The following CSTPP1 variants were observed in gnomAD, a reference collection of about 807,000 sequenced individuals.
CSTPP1 encodes the protein centriolar satellite-associated tubulin polyglutamylase complex regulator 1.
the CSTPP1 span, among the ~76,000 whole-genome samples, chr11:46,982,564 C>T: frequency 6.6e-6 from 1 of 151,942 alleles, no homozygotes; most frequent in African/African-American, 2.4e-5. Context: ...ACAACTAATG[C>T]TTTTATGGTA....
chr11:47,016,386 T>G, the CSTPP1 span, among the ~76,000 whole-genome samples: 1 of 123,006 alleles, frequency 8.1e-6, no homozygotes, highest in Non-Finnish European at 1.7e-5. Context: ...GCCTATGGAA[T>G]CTACAAAAAA....
chr11:47,022,155 T>TAA, the CSTPP1 span, among the ~76,000 whole-genome samples: 114,358 of 151,070 alleles, frequency 0.76, 43,993 homozygotes, highest in African/African-American at 0.83. Context: ...CAAAATATCT[T>TAA]AAACATGACA....
chr11:47,147,177 A>G, the CSTPP1 span, among the ~76,000 whole-genome samples: 1 of 152,238 alleles, frequency 6.6e-6, no homozygotes, highest in Non-Finnish European at 1.5e-5. Flanking sequence ...AAAATTGGCT[A>G]GTGGGGACAC....
chr11:47,052,462 G>C, the CSTPP1 span: 1 of 1,614,002 alleles, frequency 6.2e-7, no homozygotes, highest in Non-Finnish European at 8.5e-7. Context: ...CCCCACAATA[G>C]GGTATCATTT....
the CSTPP1 span, among the ~76,000 whole-genome samples, chr11:47,117,641 G>A: frequency 1.1e-4 from 17 of 152,062 alleles, no homozygotes; most frequent in Non-Finnish European, 1.6e-4. Flanking sequence ...TATCTTTGTG[G>A]TGGTGTCTGT....
chr11:47,015,021 G>A, the CSTPP1 span, among the ~76,000 whole-genome samples: 1 of 152,072 alleles, frequency 6.6e-6, no homozygotes, highest in Non-Finnish European at 1.5e-5. Flanking sequence ...TATCAGGAAC[G>A]AGAGAGATAC....
the CSTPP1 span, among the ~76,000 whole-genome samples, chr11:47,124,114 CTTTTTTTT>C: frequency 4.7e-5 from 3 of 63,232 alleles, no homozygotes; most frequent in South Asian, 9.0e-4. Context: ...AATGGTCTTA[CTTTTTTTT>C]TTTTTTTTTT....
the CSTPP1 span, among the ~76,000 whole-genome samples, chr11:47,140,970 G>A: frequency 6.6e-5 from 10 of 152,032 alleles, no homozygotes; most frequent in East Asian, 1.6e-3. Flanking sequence ...GCGTGTTGGC[G>A]GGTGCCTGTA....
chr11:47,068,992 G>C, the CSTPP1 span, among the ~76,000 whole-genome samples: 1 of 152,090 alleles, frequency 6.6e-6, no homozygotes, highest in African/African-American at 2.4e-5. Context: ...CCACAAATGA[G>C]TTAACCTATG....
the CSTPP1 span, among the ~76,000 whole-genome samples, chr11:46,975,828 A>G: frequency 6.6e-6 from 1 of 152,234 alleles, no homozygotes; most frequent in African/African-American, 2.4e-5. Flanking sequence ...GAGCAGTGGT[A>G]AGAATAGTAA....
the CSTPP1 span, among the ~76,000 whole-genome samples, chr11:47,107,019 A>C: frequency 6.6e-6 from 1 of 152,154 alleles, no homozygotes; most frequent in Non-Finnish European, 1.5e-5. Context: ...GCATCCTTAG[A>C]TGAAACCATC....
the CSTPP1 span, among the ~76,000 whole-genome samples, chr11:47,121,983 A>T: frequency 6.8e-6 from 1 of 147,946 alleles, no homozygotes; most frequent in Admixed American, 6.8e-5. Flanking sequence ...AAGCAGAAGG[A>T]TCACTTCAGC....
At chr11:47,045,756 A>AT in the CSTPP1 span, among the ~76,000 whole-genome samples, 1 of 151,990 alleles carries the variant, frequency 6.6e-6, no homozygotes, top group East Asian at 1.9e-4. Flanking sequence ...TTAATTATTG[A>AT]TTTTTTTAAA....
At chr11:47,112,348 G>C in the CSTPP1 span, among the ~76,000 whole-genome samples, 2 of 151,966 alleles carry the variant, frequency 1.3e-5, no homozygotes, top group East Asian at 3.9e-4. Context: ...TTGAGACTGA[G>C]TCTTGATCTG....
chr11:47,054,670 G>A, the CSTPP1 span, among the ~76,000 whole-genome samples: 19 of 152,120 alleles, frequency 1.2e-4, no homozygotes, highest in African/African-American at 4.3e-4. Context: ...TCATTCAAAA[G>A]GCAGTGTAGA....
the CSTPP1 span, among the ~76,000 whole-genome samples, chr11:47,055,124 G>A: frequency 6.6e-6 from 1 of 151,324 alleles, no homozygotes; most frequent in Non-Finnish European, 1.5e-5. Context: ...ATAGAGTTGG[G>A]GTTTCGCTAT....
chr11:47,155,204 T>A, the CSTPP1 span: 1 of 1,613,972 alleles, frequency 6.2e-7, no homozygotes, highest in Non-Finnish European at 8.5e-7. Flanking sequence ...TGCCATGGAC[T>A]GCTTGATGTC....
At chr11:46,978,415 T>G in the CSTPP1 span, among the ~76,000 whole-genome samples, 18 of 152,326 alleles carry the variant, frequency 1.2e-4, no homozygotes, top group African/African-American at 4.3e-4. Context: ...CTAAAAGTGA[T>G]GAGTCAAAAA....
the CSTPP1 span, among the ~76,000 whole-genome samples, chr11:46,946,999 G>A: frequency 6.6e-6 from 1 of 152,166 alleles, no homozygotes; most frequent in African/African-American, 2.4e-5. Flanking sequence ...GAGAAACTAT[G>A]TTTTTCCCCC....
Sources: allele counts gnomAD v4.1 joint callset (sites outside exome capture counted in the v4.1 genomes callset), GRCh38; gene constraint gnomAD v4.1.1; transcripts MANE v1.5; gene names NCBI Gene and HGNC (gene_info 2026-07-23, HGNC 2026-07-21).